GNAO1: variants seen among roughly 807,000 people sequenced by gnomAD.
GNAO1 encodes the protein G protein subunit alpha o1.
For missense variants in GNAO1, 166 were observed against 478.7 expected (o/e 0.35, Z 6.10); for synonymous variants, 164 against 180.7 (o/e 0.91, Z 0.74).
intron 2 of GNAO1, among the ~76,000 whole-genome samples, chr16:56,261,892 C>T (rs1191299877): frequency 6.6e-6 from 1 of 152,182 alleles, no homozygotes; most frequent in East Asian, 1.9e-4. Context: ...AGCTTCAATG[C>T]CGTCAAGACT....
At chr16:56,314,105 C>T (rs1408239920) in intron 3 of GNAO1, among the ~76,000 whole-genome samples, 1 of 152,166 alleles carries the variant, frequency 6.6e-6, no homozygotes, top group African/African-American at 2.4e-5. Context: ...TGACACATTT[C>T]AGCATATTAT....
At chr16:56,224,854 G>C (rs11647823) in intron 2 of GNAO1, among the ~76,000 whole-genome samples, 12,533 of 152,238 alleles carry the variant, frequency 0.082, 573 homozygotes, top group African/African-American at 0.11. Flanking sequence ...TTCATCTGTA[G>C]CCCATCTGGA....
chr16:56,331,589 C>T lies in GNAO1; in HGVS notation c.464+2798C>T, dbSNP rs118120472. ...TTCACTCCCAGCCCCCGCCTCCTCT[C>T]GGGCCGCCCTTTCCAGACTCCCTCG... On this transcript the variant is annotated intron_variant, in intron 4 of 8. Coordinates refer to ENST00000262493, the MANE Select transcript of GNAO1 (RefSeq NM_020988.3). Among the ~76,000 whole-genome samples, 503 of 152,264 alleles carry T rather than the reference C, an allele frequency of 3.3e-3. 9 individuals carry two copies. The highest frequency in any genetic ancestry group is 0.033 in the East Asian group (169 of 5,180).
At chr16:56,340,965 C>T in intron 6 of GNAO1, 1 of 1,613,956 alleles carries the variant, frequency 6.2e-7, no homozygotes, top group Non-Finnish European at 8.5e-7. Flanking sequence ...CCCCGCTCAC[C>T]ATCTGCTTTC....
chr16:56,322,527 C>CT (rs552448285), intron 3 of GNAO1, among the ~76,000 whole-genome samples: 20 of 152,106 alleles, frequency 1.3e-4, no homozygotes, highest in Admixed American at 5.2e-4. Flanking sequence ...GCCCACCATC[C>CT]TTTTTTTTGT....
At chr16:56,215,052 C>T (rs1047845991) in intron 2 of GNAO1, among the ~76,000 whole-genome samples, 14 of 152,314 alleles carry the variant, frequency 9.2e-5, no homozygotes, top group Admixed American at 4.6e-4. Flanking sequence ...TACTACAGAA[C>T]GCCTTCTCCC....
rs201495794 is a variant in GNAO1 at position 56,339,337 on chromosome 16, C to T, written c.723+2477C>T. Among the ~76,000 whole-genome samples the T allele has an allele frequency of 5.3e-5, 8 of 152,320 alleles. No homozygotes were observed. In the East Asian group the frequency reaches 5.8e-4, roughly 11 times the overall value. ...TGGTGACAATGGTAGAATGGACCACCGGGCTAAAAGCTGTAAAAGTGCCTG... is the reference window on the plus strand; with the variant it reads ...TGGTGACAATGGTAGAATGGACCACTGGGCTAAAAGCTGTAAAAGTGCCTG... On this transcript the variant is annotated intron_variant, in intron 6 of 8. Coordinates refer to ENST00000262493, the MANE Select transcript of GNAO1 (RefSeq NM_020988.3).
intron 3 of GNAO1, among the ~76,000 whole-genome samples, chr16:56,303,095 G>A (rs2037360943): frequency 6.6e-6 from 1 of 152,158 alleles, no homozygotes; most frequent in South Asian, 2.1e-4. Flanking sequence ...GCCGAAGTGG[G>A]GTCGGTGGAG....
rs139417678 is a variant in GNAO1 at position 56,196,485 on chromosome 16, G to A, written c.161+3869G>A. On this transcript the variant is annotated intron_variant, in intron 2 of 8. Transcript: ENST00000262493. ...CCCATAACAAGTTGTAATTTTATGA[G>A]GTGTAGAATTGACAGAATATCACTT... is the stretch of plus-strand genomic sequence containing the variant. Among the ~76,000 whole-genome samples, 61 of 152,268 alleles carry A rather than the reference G, an allele frequency of 4.0e-4. No homozygotes were observed. In the East Asian group the frequency reaches 0.01, roughly 26 times the overall value.
intron 3 of GNAO1, among the ~76,000 whole-genome samples, chr16:56,277,858 C>A: frequency 6.7e-6 from 1 of 149,280 alleles, no homozygotes; most frequent in South Asian, 2.1e-4. Context: ...GTGAGATCTT[C>A]CAGGAGCAAA....
chr16:56,201,219 G>A (rs2036279269), intron 2 of GNAO1, among the ~76,000 whole-genome samples: 1 of 152,180 alleles, frequency 6.6e-6, no homozygotes, highest in Non-Finnish European at 1.5e-5. Context: ...GTTCAGGGAA[G>A]ACAGCCAAGA....
chr16:56,328,860 G>C (rs2037661962), intron 4 of GNAO1, 69 bp downstream of exon 4: 1 of 1,501,616 alleles, frequency 6.7e-7, no homozygotes, highest in East Asian at 2.3e-5. Context: ...ACTGGTGATG[G>C]GGATTGGCAG....
chr16:56,200,625 G>T (rs765108194), intron 2 of GNAO1, among the ~76,000 whole-genome samples: 17 of 152,176 alleles, frequency 1.1e-4, no homozygotes, highest in Non-Finnish European at 1.8e-4. Flanking sequence ...TCTTTTCGTT[G>T]TAACTCCACA....
chr16:56,236,924 T>G (rs1411207714), intron 2 of GNAO1, among the ~76,000 whole-genome samples: 1 of 152,234 alleles, frequency 6.6e-6, no homozygotes, highest in South Asian at 2.1e-4. Flanking sequence ...TGGATATCTG[T>G]GTCTAGCTTC....
At chr16:56,194,012 C>A in intron 2 of GNAO1, 1 of 417,934 alleles carries the variant, frequency 2.4e-6, no homozygotes, top group Non-Finnish European at 4.9e-6. Context: ...GGAGACGAAG[C>A]ATGCTTGCGG....
In GNAO1 at chr16:56,249,533, G is replaced by C. The variant is rs533363965; in HGVS notation, c.162-26398G>C. On this transcript the variant is annotated intron_variant, in intron 2 of 8. Coordinates refer to ENST00000262493, the MANE Select transcript of GNAO1 (RefSeq NM_020988.3). ...TGGCATGATCAGGGAAAGCACCAAGGGGGAGAGGAGCTGGAACAGAGCTTT... is the reference window on the plus strand; with the variant it reads ...TGGCATGATCAGGGAAAGCACCAAGCGGGAGAGGAGCTGGAACAGAGCTTT... Among the ~76,000 whole-genome samples the C allele has an allele frequency of 1.1e-4, 16 of 152,284 alleles. 1 individual carries two copies. The highest frequency in any genetic ancestry group is 1.6e-4 in the Non-Finnish European group (11 of 68,016).
rs150002182 is a variant in GNAO1 at position 56,327,526 on chromosome 16, C to T, written c.304-1105C>T. On this transcript the variant is annotated intron_variant, in intron 3 of 8. Coordinates refer to ENST00000262493, the MANE Select transcript of GNAO1 (RefSeq NM_020988.3). ...GAGTGTGTTCACCAAATCCTTTGTA[C>T]GCTAAGTACTACTCCCGTGTGCAAG... Among the ~76,000 whole-genome samples, 13 of 152,146 alleles carry T rather than the reference C, an allele frequency of 8.5e-5. No individual in the cohort carries two copies. The East Asian group carries it at 1.9e-3, about 23-fold the overall frequency.
intron 3 of GNAO1, among the ~76,000 whole-genome samples, chr16:56,310,254 T>TG (rs1486092933): frequency 1.3e-4 from 20 of 152,154 alleles, no homozygotes; most frequent in Non-Finnish European, 1.5e-5. Context: ...TGCTTGAGCC[T>TG]GGGGGGTTCG....
chr16:56,260,192 C>T (rs565229100), intron 2 of GNAO1, among the ~76,000 whole-genome samples: 1 of 152,180 alleles, frequency 6.6e-6, no homozygotes, highest in Non-Finnish European at 1.5e-5. Flanking sequence ...TCAACAGAGG[C>T]TGCCGCTACT....
Sources: gnomAD v4.1 joint callset for allele counts (sites outside exome capture counted in the v4.1 genomes callset) on GRCh38, gnomAD v4.1.1 for gene constraint, MANE v1.5 for transcripts, NCBI Gene and HGNC (gene_info 2026-07-23, HGNC 2026-07-21) for gene names.